ERLEC1: variants seen among roughly 807,000 people sequenced by gnomAD.
The protein encoded by ERLEC1 is endoplasmic reticulum lectin 1.
Under a neutral mutation model 68.0 loss-of-function variants are expected in ERLEC1, and 47 were observed. The ratio of observed to expected loss-of-function variants is 0.69; its 90% CI spans 0.55 to 0.88. The LOEUF is 0.88. ERLEC1 is among the 40% of genes least tolerant of loss of function. ERLEC1 has a pLI of 0.00. For synonymous variants in ERLEC1, 225 were observed against 203.2 expected, an observed-to-expected ratio of 1.11 and a Z score of -0.91; for missense variants, 567 against 583.8, an observed-to-expected ratio of 0.97 and a Z score of 0.30.
At chr2:53,790,025 A>AAG (rs917805938) in intron 1 of ERLEC1, among the ~76,000 whole-genome samples, 4 of 151,376 alleles carry the variant, frequency 2.6e-5, no homozygotes, top group Non-Finnish European at 5.9e-5. Flanking sequence ...CAAAAAAAAA[A>AAG]AAAAAAGAAA....
intron 9 of ERLEC1, 35 bp from the exon 10 acceptor site, chr2:53,809,179 C>T: frequency 6.5e-7 from 1 of 1,528,560 alleles, no homozygotes. Flanking sequence ...AGGCCCAGTT[C>T]TTAACTTGAT....
At chr2:53,810,734 A>G (rs1176581204) in intron 10 of ERLEC1, among the ~76,000 whole-genome samples, 1 of 152,202 alleles carries the variant, frequency 6.6e-6, no homozygotes, top group African/African-American at 2.4e-5. Flanking sequence ...TGAGGCATCC[A>G]TAGACTAGGA....
At chr2:53,809,057 T>G (rs977852113) in intron 9 of ERLEC1, among the ~76,000 whole-genome samples, 157 bp from the exon 10 acceptor site, 1 of 152,258 alleles carries the variant, frequency 6.6e-6, no homozygotes, top group Non-Finnish European at 1.5e-5. Context: ...TTCTCTGTAT[T>G]TGTCTTTAAT....
chr2:53,787,144 C>T lies in ERLEC1; in HGVS notation c.-67C>T. On this transcript the variant is annotated 5_prime_UTR_variant, in exon 1 of 14. Coordinates refer to ENST00000185150, the MANE Select transcript of ERLEC1 (RefSeq NM_015701.5). ...CCCGCCGCCTCCTCCTCCACCTCCT[C>T]CTCCTCCTCCTCTCCTCCTGGAGCA... The T allele has an allele frequency of 4.4e-6, 6 of 1,376,622 alleles. No individual in the cohort carries two copies. The highest frequency in any genetic ancestry group is 5.7e-6 in the Non-Finnish European group (6 of 1,044,812). 85.3% of individuals were successfully genotyped at this position (1,376,622 alleles called of 1,614,324 possible). A position where few individuals can be genotyped will look rare whatever the true frequency, so the allele number is the denominator to read the frequency against.
chr2:53,788,242 A>G (rs1372312049), intron 1 of ERLEC1, among the ~76,000 whole-genome samples: 1 of 152,230 alleles, frequency 6.6e-6, no homozygotes, highest in African/African-American at 2.4e-5. Context: ...TCAACTTGCA[A>G]TACTTTATTA....
intron 9 of ERLEC1, 80 bp from the exon 10 acceptor site, chr2:53,809,134 G>A: frequency 3.2e-6 from 3 of 933,680 alleles, no homozygotes; most frequent in Non-Finnish European, 5.0e-6. Context: ...AAAATAACAT[G>A]TATTTCCATT....
intron 1 of ERLEC1, among the ~76,000 whole-genome samples, chr2:53,788,356 A>T (rs1376828110): frequency 6.6e-6 from 1 of 152,116 alleles, no homozygotes; most frequent in East Asian, 1.9e-4. Context: ...TTCTATTTGC[A>T]AGTGTTAGGG....
rs748627940 is a variant in ERLEC1, at chr2:53,812,944, A to G, written c.1102-5A>G. On this transcript the variant is annotated splice_region_variant and splice_polypyrimidine_tract_variant and intron_variant, in intron 10 of 13. Coordinates refer to ENST00000185150, the MANE Select transcript of ERLEC1 (RefSeq NM_015701.5). ...GCATTATCACAAATTTTTTTCCCAT[A>G]TTAGGACAAGGATAGTGGGAAAACC... is the stretch of plus-strand genomic sequence containing the variant. 6.2e-6 allele frequency: 10 copies of G among 1,600,092 alleles called. No individual in the cohort carries two copies. Among genetic ancestry groups the G allele is most frequent in the South Asian group, 5.7e-5 (5 of 87,520 alleles).
intron 10 of ERLEC1, 151 bp from the exon 11 acceptor site, chr2:53,812,798 C>T (rs769786522): frequency 9.9e-6 from 7 of 709,582 alleles, no homozygotes; most frequent in African/African-American, 1.9e-5. Context: ...CTTAAATTTC[C>T]ACTCATTGAA....
intron 1 of ERLEC1, among the ~76,000 whole-genome samples, chr2:53,790,810 A>T (rs192093243): frequency 5.8e-4 from 89 of 152,296 alleles, no homozygotes; most frequent in Admixed American, 1.1e-3. Context: ...CATTAACTAG[A>T]GTTAATAATT....
At chr2:53,808,675 ATTTGACCTTTTG>A (rs1306515932) in intron 9 of ERLEC1, among the ~76,000 whole-genome samples, 9 of 152,292 alleles carry the variant, frequency 5.9e-5, no homozygotes, top group Admixed American at 5.9e-4. Flanking sequence ...CAAGGTAAAA[ATTTGACCTTTTG>A]TCTGGCAATC....
At position 53,797,811 on chromosome 2, in the gene ERLEC1, G is replaced by C. The variant is rs1486888706; in HGVS notation, c.490+16G>C. 6.2e-7 allele frequency: 1 copy of C among 1,603,490 alleles called. No homozygotes were observed. Among genetic ancestry groups the C allele is most frequent in the Non-Finnish European group, 8.5e-7 (1 of 1,171,986 alleles). On this transcript the variant is annotated intron_variant, in intron 5 of 13. Coordinates refer to ENST00000185150, the MANE Select transcript of ERLEC1 (RefSeq NM_015701.5). ...TTTGAAAAAGGTTGGTGTCTACCCA[G>C]TGATTTGACAGTAATGCTGGAATTT...
Position 53,812,939 on chromosome 2 carries a change from C to T in ERLEC1, c.1102-10C>T, listed in dbSNP as rs754164937. 3.6e-5 allele frequency: 58 copies of T among 1,596,874 alleles called. No homozygotes were observed. Among genetic ancestry groups the T allele is most frequent in the Non-Finnish European group, 4.7e-5 (55 of 1,176,178 alleles). On this transcript the variant is annotated splice_polypyrimidine_tract_variant and intron_variant, in intron 10 of 13. Transcript: ENST00000185150. ...AGCACGCATTATCACAAATTTTTTTCCCATATTAGGACAAGGATAGTGGGA... is the reference window on the plus strand; with the variant it reads ...AGCACGCATTATCACAAATTTTTTTTCCATATTAGGACAAGGATAGTGGGA...
At chr2:53,792,353 C>T (rs902609753) in intron 1 of ERLEC1, among the ~76,000 whole-genome samples, 1 of 151,506 alleles carries the variant, frequency 6.6e-6, no homozygotes, top group African/African-American at 2.4e-5. Context: ...GGCCATAATT[C>T]AAGTCTGCAT....
chr2:53,815,185 T>C (rs1433462035), intron 13 of ERLEC1, among the ~76,000 whole-genome samples: 2 of 151,866 alleles, frequency 1.3e-5, no homozygotes, highest in East Asian at 3.9e-4. Flanking sequence ...TTTGTATTTT[T>C]AGTAGAGACG....
At chr2:53,815,053 C>G in intron 13 of ERLEC1, 118 bp downstream of exon 13, 1 of 599,820 alleles carries the variant, frequency 1.7e-6, no homozygotes, top group East Asian at 3.2e-5. Context: ...GTGGCTCAGG[C>G]AGAGTGCCGT....
intron 1 of ERLEC1, among the ~76,000 whole-genome samples, chr2:53,791,787 C>A (rs2542588): frequency 7.4e-4 from 112 of 151,680 alleles, no homozygotes; most frequent in African/African-American, 2.4e-3. Flanking sequence ...TGTTATGTCT[C>A]ATAGCAAATC....
chr2:53,802,372 C>T (rs761389362), intron 8 of ERLEC1, among the ~76,000 whole-genome samples: 6 of 152,092 alleles, frequency 3.9e-5, no homozygotes, highest in Non-Finnish European at 7.4e-5. Context: ...CAATTAGAAA[C>T]CTAAGTCTTT....
chr2:53,815,839 A>G (rs1295070021), intron 13 of ERLEC1, among the ~76,000 whole-genome samples: 2 of 152,190 alleles, frequency 1.3e-5, no homozygotes, highest in Non-Finnish European at 2.9e-5. Context: ...GGTATTCAGA[A>G]TATTCATCAC....
Sources: allele counts gnomAD v4.1 joint callset (sites outside exome capture counted in the v4.1 genomes callset), GRCh38; gene constraint gnomAD v4.1.1; transcripts MANE v1.5; gene names NCBI Gene and HGNC (gene_info 2026-07-23, HGNC 2026-07-21).